The following CDKN2AIP variants were observed in gnomAD, a reference collection of about 807,000 sequenced individuals.
CDKN2AIP encodes the protein CDKN2A-interacting protein.
CDKN2AIP carries 12 observed loss-of-function variants against 44.1 expected under a neutral mutation model. The observed-to-expected ratio is 0.27, with a 90% CI of 0.17 to 0.44. The LOEUF (loss-of-function observed/expected upper bound fraction) is 0.44, where lower values mean the gene tolerates loss of function less well. CDKN2AIP is among the 20% of genes least tolerant of loss of function. The probability of loss-of-function intolerance (pLI) is 1.00; values close to 1 mark genes in which losing one functional copy is unlikely to be tolerated. For synonymous variants in CDKN2AIP, 291 were observed against 272.1 expected, an observed-to-expected ratio of 1.07 and a Z score of -0.68; for missense variants, 705 against 681.6, an observed-to-expected ratio of 1.03 and a Z score of -0.38.
chr4:183,445,339 G>A, intron 1 of CDKN2AIP, 196 bp from the exon 2 acceptor site: 2 of 623,190 alleles, frequency 3.2e-6, no homozygotes, highest in South Asian at 4.1e-5. Flanking sequence ...ACGGGTGCGA[G>A]ATTTAAGATT....
rs1733685707 is a variant in CDKN2AIP, at chr4:183,446,552, G to A, written c.868G>A (p.Val290Met). 1 of 1,614,074 alleles carries A rather than the reference G, an allele frequency of 6.2e-7. No homozygotes were observed. Among genetic ancestry groups the A allele is most frequent in the Non-Finnish European group, 8.5e-7 (1 of 1,179,912 alleles). The change falls in exon 3 of 3, where the codon GTG becomes ATG. Residue 290 changes from valine (V) to methionine (M), a missense_variant. By Grantham distance (21) the Val-to-Met change is conservative. Around this residue, in one of 2 missense-constraint regions of CDKN2AIP, gnomAD observed 592 missense variants for 518.0 expected, o/e 1.14. Coordinates refer to ENST00000504169, the MANE Select transcript of CDKN2AIP (RefSeq NM_017632.4). ...TTCTCAAAGCAGCTCAGAGATCGAG[G>A]TGCCCTTGTTGGGCTCCTCAGGAAG... is the stretch of plus-strand genomic sequence containing the variant. ...SASQSSSEIE[V>M]PLLGSSGSSE... is the part of the protein sequence containing the mutation.
Position 183,447,172 on chromosome 4 carries a change from C to T in CDKN2AIP, c.1488C>T (p.Ser496=). Residue 496 remains serine (S), a synonymous_variant, in exon 3 of 3, where the codon AGC becomes AGT. Coordinates refer to ENST00000504169, the MANE Select transcript of CDKN2AIP (RefSeq NM_017632.4). ...KELADLPQNK[S]SQESIVCELR... ...TGGCAGATCTGCCTCAAAATAAGAGCTCTCAAGAAAGTATTGTTTGTGAAT... is the reference window on the plus strand; with the variant it reads ...TGGCAGATCTGCCTCAAAATAAGAGTTCTCAAGAAAGTATTGTTTGTGAAT... 6.2e-7 allele frequency: 1 copy of T among 1,614,120 alleles called. No homozygotes were observed. Among genetic ancestry groups the T allele is most frequent in the Non-Finnish European group, 8.5e-7 (1 of 1,180,008 alleles).
rs1579141949 is a variant in CDKN2AIP at position 183,447,465 on chromosome 4, T to G, written c.*38T>G. Reference sequence around the variant, plus strand: ...ATCACTGCATACAATATCTGGTATTTGAAGAGAAAAACTGACTTTTGTATA... The same window carrying G: ...ATCACTGCATACAATATCTGGTATTGGAAGAGAAAAACTGACTTTTGTATA... On this transcript the variant is annotated 3_prime_UTR_variant, in exon 3 of 3. Transcript: ENST00000504169. 5.5e-4 allele frequency: 789 copies of G among 1,422,482 alleles called. No homozygotes were observed. The highest frequency in any genetic ancestry group is 6.9e-4 in the Non-Finnish European group (726 of 1,059,586). 88.1% of individuals were successfully genotyped at this position (1,422,482 alleles called of 1,614,324 possible).
Position 183,446,962 on chromosome 4 carries a change from C to G in CDKN2AIP, c.1278C>G (p.Cys426Trp). ...QSSESSVKFSCKLTNEDVKQK... is the reference protein window; with the variant it reads ...QSSESSVKFSWKLTNEDVKQK... ...GTGAGAGTTCTGTCAAATTCTCTTG[C>G]AAGTTAACCAATGAAGATGTGAAAC... Residue 426 changes from cysteine to tryptophan, a missense_variant, in exon 3 of 3, where the codon TGC becomes TGG. Cys to Trp is a radical substitution (Grantham distance 215). Around this residue, in one of 2 missense-constraint regions of CDKN2AIP, gnomAD observed 592 missense variants for 518.0 expected, o/e 1.14. Transcript: ENST00000504169. 1.2e-6 allele frequency: 2 copies of G among 1,614,148 alleles called. No individual in the cohort carries two copies. The highest frequency in any genetic ancestry group is 1.6e-4 in the Middle Eastern group (1 of 6,062).
In CDKN2AIP at chr4:183,444,894, C is replaced by A. The variant is rs1470391403; in HGVS notation, c.97C>A (p.Arg33Ser). ...CGACGGCGAGACTGACAAACACTGG[C>A]GCCACCGCCGGGATTTTTTGCTTCG... ...RCDGETDKHW[R>S]HRRDFLLRNA... The change falls in exon 1 of 3, where the codon CGC (arginine) becomes AGC (serine). Residue 33 changes from arginine to serine, a missense_variant. Physicochemically the swap from Arg to Ser is moderately radical, Grantham distance 110 (BLOSUM62 -1). Transcript: ENST00000504169. 6.2e-7 allele frequency: 1 copy of A among 1,606,100 alleles called. No individual in the cohort carries two copies. Among genetic ancestry groups the A allele is most frequent in the Non-Finnish European group, 8.5e-7 (1 of 1,176,672 alleles).
chr4:183,445,462 T>C, intron 1 of CDKN2AIP, 73 bp from the exon 2 acceptor site: 1 of 1,126,594 alleles, frequency 8.9e-7, no homozygotes, highest in Non-Finnish European at 1.3e-6. Context: ...ATGCAGTCCC[T>C]GTGGCCTGTT....
chr4:183,445,176 T>G (rs1287879310), intron 1 of CDKN2AIP, 107 bp downstream of exon 1: 4 of 1,392,284 alleles, frequency 2.9e-6, no homozygotes, highest in Non-Finnish European at 3.9e-6. Flanking sequence ...GGGGAAGTTG[T>G]GAAGCGCGGG....
chr4:183,446,561 T>C lies in CDKN2AIP; in HGVS notation c.877T>C (p.Leu293=), dbSNP rs781116516. ...QSSSEIEVPL[L]GSSGSSEVEL... is the part of the protein sequence containing the mutation. Reference sequence around the variant, plus strand: ...CAGCTCAGAGATCGAGGTGCCCTTGTTGGGCTCCTCAGGAAGCTCAGAGGT... The same window carrying C: ...CAGCTCAGAGATCGAGGTGCCCTTGCTGGGCTCCTCAGGAAGCTCAGAGGT... The change falls in exon 3 of 3, where the codon TTG becomes CTG. Residue 293 remains leucine, a synonymous_variant. Coordinates refer to ENST00000504169, the MANE Select transcript of CDKN2AIP (RefSeq NM_017632.4). The C allele has an allele frequency of 1.2e-6, 2 of 1,614,034 alleles. No homozygotes were observed. Among genetic ancestry groups the C allele is most frequent in the Middle Eastern group, 1.6e-4 (1 of 6,062 alleles).
chr4:183,448,449 G>A lies in CDKN2AIP; in HGVS notation c.*1022G>A, dbSNP rs1451133231. On this transcript the variant is annotated 3_prime_UTR_variant, in exon 3 of 3. Transcript: ENST00000504169. The stretch of plus-strand genomic sequence containing the variant: ...GAACAGAGAGCCGTGTTCAGCTCTT[G>A]ATAATGAGCCTATTCAATTTAACTA... Among the ~76,000 whole-genome samples, 1 of 152,108 alleles carries A rather than the reference G, an allele frequency of 6.6e-6. No homozygotes were observed. Among genetic ancestry groups the A allele is most frequent in the Non-Finnish European group, 1.5e-5 (1 of 68,008 alleles).
Position 183,446,127 on chromosome 4 carries a change from G to T in CDKN2AIP, c.443G>T (p.Gly148Val), listed in dbSNP as rs779374369. 6.2e-7 allele frequency: 1 copy of T among 1,613,034 alleles called. No individual in the cohort carries two copies. The highest frequency in any genetic ancestry group is 1.1e-5 in the South Asian group (1 of 90,904). ...CCATCCAAAAAACGAGTTATAGAAGGAAAAAACAGTTCTGCAGTTGAGCAA... is the reference window on the plus strand; with the variant it reads ...CCATCCAAAAAACGAGTTATAGAAGTAAAAAACAGTTCTGCAGTTGAGCAA... ...EEPSKKRVIE[G>V]KNSSAVEQDH... The change falls in exon 3 of 3, where the codon GGA (glycine) becomes GTA (valine). Residue 148 changes from glycine (G) to valine (V), a missense_variant. By Grantham distance (109) the Gly-to-Val change is moderately radical. Around this residue, in one of 2 missense-constraint regions of CDKN2AIP, gnomAD observed 592 missense variants for 518.0 expected, o/e 1.14. Coordinates refer to ENST00000504169, the MANE Select transcript of CDKN2AIP (RefSeq NM_017632.4).
In CDKN2AIP at chr4:183,446,295, GTGA is replaced by G; in HGVS notation, c.614_616del (p.Asp205del). On this transcript the variant is annotated inframe_deletion, in exon 3 of 3. Transcript: ENST00000504169. ...ATCTCCAGTCAGAATAGCTCTACAA[GTGA>G]TGGAGATCGATCTGTTTCCAGCCAA... is the stretch of plus-strand genomic sequence containing the variant. 6.2e-7 allele frequency: 1 copy of G among 1,614,146 alleles called. No homozygotes were observed. Among genetic ancestry groups the G allele is most frequent in the Non-Finnish European group, 8.5e-7 (1 of 1,179,970 alleles).
chr4:183,447,776 G>GT lies in CDKN2AIP; in HGVS notation c.*353dup, dbSNP rs754678617. On this transcript the variant is annotated 3_prime_UTR_variant, in exon 3 of 3. Coordinates refer to ENST00000504169, the MANE Select transcript of CDKN2AIP (RefSeq NM_017632.4). ...GAAAATGTATTAAGTTGTCTACCAT[G>GT]TTTTCTTTTCTAGCTGAATAAACCA... 2 of 164,222 alleles carry GT rather than the reference G, an allele frequency of 1.2e-5. No homozygotes were observed. The highest frequency in any genetic ancestry group is 3.3e-4 in the East Asian group (2 of 5,984). The allele number at this position is 164,222 out of a possible 1,614,324, so 10.2% of individuals were successfully genotyped here.
At position 183,445,610 on chromosome 4, in the gene CDKN2AIP, A is replaced by G. The variant is rs761674330; in HGVS notation, c.348A>G (p.Thr116=). Residue 116 remains threonine, a synonymous_variant, in exon 2 of 3, where the codon ACA becomes ACG. Coordinates refer to ENST00000504169, the MANE Select transcript of CDKN2AIP (RefSeq NM_017632.4). ...GIKVTDAPTY[T]TRDELVAKVK... is the part of the protein sequence containing the mutation. ...AAGTGACAGATGCTCCAACCTATAC[A>G]ACAAGAGATGAACTGGTTGCCAAGG... 5 of 1,610,588 alleles carry G rather than the reference A, an allele frequency of 3.1e-6. No individual in the cohort carries two copies. Among genetic ancestry groups the G allele is most frequent in the Non-Finnish European group, 4.2e-6 (5 of 1,176,810 alleles).
rs542248144 is a variant in CDKN2AIP at position 183,445,607 on chromosome 4, T to C, written c.345T>C (p.Tyr115=). ...EGIKVTDAPT[Y]TTRDELVAKV... ...TCAAAGTGACAGATGCTCCAACCTA[T>C]ACAACAAGAGATGAACTGGTTGCCA... is the stretch of plus-strand genomic sequence containing the variant. The change falls in exon 2 of 3, where the codon TAT becomes TAC. Residue 115 remains tyrosine (Y), a synonymous_variant. Coordinates refer to ENST00000504169, the MANE Select transcript of CDKN2AIP (RefSeq NM_017632.4). 9.3e-6 allele frequency: 15 copies of C among 1,609,594 alleles called. No homozygotes were observed. In the African/African-American group the frequency reaches 2.0e-4, roughly 21 times the overall value.
rs1464117535 is a variant in CDKN2AIP at position 183,447,352 on chromosome 4, T to C, written c.1668T>C (p.Asp556=). The C allele has an allele frequency of 6.3e-7, 1 of 1,594,448 alleles. No homozygotes were observed. The highest frequency in any genetic ancestry group is 1.4e-5 in the African/African-American group (1 of 73,700). ...KRKYRGSEIE[D]LVLLDEESRP... ...AATACAGAGGCAGTGAAATAGAAGA[T>C]CTAGTACTCCTTGATGAAGAATCGA... Residue 556 remains aspartate, a synonymous_variant, in exon 3 of 3, where the codon GAT becomes GAC. Coordinates refer to ENST00000504169, the MANE Select transcript of CDKN2AIP (RefSeq NM_017632.4).
Position 183,447,272 on chromosome 4 carries a change from G to C in CDKN2AIP, c.1588G>C (p.Glu530Gln), listed in dbSNP as rs1733703479. Residue 530 changes from glutamate (E) to glutamine (Q), a missense_variant, in exon 3 of 3, where the codon GAA becomes CAA. Transcript: ENST00000504169. The part of the protein sequence containing the change: ...KENAKAVASR[E>Q]ALKLFLKKKV... The stretch of plus-strand genomic sequence containing the variant: ...AAATGCAAAAGCAGTTGCATCAAGA[G>C]AAGCATTGAAGTTATTTCTCAAGAA... 6.2e-7 allele frequency: 1 copy of C among 1,611,674 alleles called. No individual in the cohort carries two copies. The highest frequency in any genetic ancestry group is 1.3e-5 in the African/African-American group (1 of 74,738).
chr4:183,447,434 C>A lies in CDKN2AIP; in HGVS notation c.*7C>A. 6.7e-7 allele frequency: 1 copy of A among 1,502,276 alleles called. No individual in the cohort carries two copies. The highest frequency in any genetic ancestry group is 1.4e-5 in the South Asian group (1 of 72,736). 93.1% of individuals were successfully genotyped at this position (1,502,276 alleles called of 1,614,324 possible). On this transcript the variant is annotated 3_prime_UTR_variant, in exon 3 of 3. Transcript: ENST00000504169. ...TCCTCAAGAATTACTATAATGTGTC[C>A]AAAATATCACTGCATACAATATCTG...
chr4:183,444,722 G>T lies in CDKN2AIP; in HGVS notation c.-76G>T. ...ATCTGGAGGGCCGCGGGTGCAGGCC[G>T]CAGTGACAGGGCCGCTCGCCCCGCT... is the stretch of plus-strand genomic sequence containing the variant. On this transcript the variant is annotated 5_prime_UTR_variant, in exon 1 of 3. Coordinates refer to ENST00000504169, the MANE Select transcript of CDKN2AIP (RefSeq NM_017632.4). The T allele has an allele frequency of 7.1e-7, 1 of 1,399,426 alleles. No individual in the cohort carries two copies. The highest frequency in any genetic ancestry group is 1.5e-5 in the South Asian group (1 of 67,624). 86.7% of individuals were successfully genotyped at this position (1,399,426 alleles called of 1,614,324 possible).
At chr4:183,445,960 A>G (rs976799097) in intron 2 of CDKN2AIP, 128 bp from the exon 3 acceptor site, 2 of 802,358 alleles carry the variant, frequency 2.5e-6, no homozygotes, top group Non-Finnish European at 2.0e-6. Context: ...ATGACTCCAC[A>G]CTTTTTAAAG....
Sources: gnomAD v4.1 joint callset for allele counts (sites outside exome capture counted in the v4.1 genomes callset) on GRCh38, gnomAD v4.1.1 for gene constraint, gnomAD v4.1.1 regional missense constraint, MANE v1.5 for transcripts, NCBI Gene and HGNC (gene_info 2026-07-23, HGNC 2026-07-21) for gene names.